Variants in ITGA9 observed in about 807,000 individuals in gnomAD.
The protein encoded by ITGA9 is integrin subunit alpha 9.
A neutral mutation model predicts 127.8 loss-of-function variants in ITGA9; 56 were observed. That is an observed-to-expected ratio of 0.44 (90% CI 0.35 to 0.55). The LOEUF (loss-of-function observed/expected upper bound fraction) is 0.55, where lower values mean the gene tolerates loss of function less well. ITGA9 is among the 20% of genes least tolerant of loss of function. The pLI, the probability that ITGA9 is intolerant of heterozygous loss-of-function variation, is 0.00. For synonymous variants in ITGA9, 508 were observed against 514.5 expected, an observed-to-expected ratio of 0.99 and a Z score of 0.17; for missense variants, 1,196 against 1,347.1, an observed-to-expected ratio of 0.89 and a Z score of 1.76.
intron 3 of ITGA9, among the ~76,000 whole-genome samples, chr3:37,479,959 G>T (rs77444116): frequency 0.017 from 2,613 of 152,236 alleles, 67 homozygotes; most frequent in African/African-American, 0.058. Context: ...CGAAAACAAT[G>T]CGTTTGAGGG....
chr3:37,708,306 G>C (rs928714031), intron 18 of ITGA9, among the ~76,000 whole-genome samples: 3 of 152,156 alleles, frequency 2.0e-5, no homozygotes. Context: ...TGAAATCTAG[G>C]CCTGGAACAG....
intron 11 of ITGA9, among the ~76,000 whole-genome samples, chr3:37,520,302 G>A (rs934196878): frequency 2.0e-5 from 3 of 152,256 alleles, no homozygotes; most frequent in Admixed American, 1.3e-4. Context: ...GAGGCGCTGC[G>A]AAGAGGAGGG....
chr3:37,692,410 A>AGTGTGTGT (rs1299517222), intron 18 of ITGA9, among the ~76,000 whole-genome samples: 16 of 135,966 alleles, frequency 1.2e-4, no homozygotes, highest in African/African-American at 4.4e-4. Context: ...AGAGAGAGAG[A>AGTGTGTGT]GAGTGTGTGT....
chr3:37,753,141 T>C (rs1696610058), intron 23 of ITGA9, among the ~76,000 whole-genome samples: 1 of 152,148 alleles, frequency 6.6e-6, no homozygotes, highest in South Asian at 2.1e-4. Context: ...GTAATGATCA[T>C]GAAAATAATA....
intron 22 of ITGA9, chr3:37,748,153 T>C: frequency 2.1e-6 from 1 of 471,242 alleles, no homozygotes; most frequent in South Asian, 1.7e-5. Context: ...CTGATATATG[T>C]TCTCTAGGCT....
intron 18 of ITGA9, among the ~76,000 whole-genome samples, chr3:37,691,904 A>G (rs1700836171): frequency 6.6e-6 from 1 of 152,232 alleles, no homozygotes. Flanking sequence ...TTTGTACTTC[A>G]CAGTGATTGC....
chr3:37,698,602 G>T (rs1273590505), intron 18 of ITGA9, among the ~76,000 whole-genome samples: 1 of 152,122 alleles, frequency 6.6e-6, no homozygotes, highest in Non-Finnish European at 1.5e-5. Context: ...CATTGAAGTT[G>T]TTTCTGGTTT....
At chr3:37,776,605 C>T (rs1359945671) in intron 23 of ITGA9, among the ~76,000 whole-genome samples, 3 of 152,242 alleles carry the variant, frequency 2.0e-5, no homozygotes, top group Non-Finnish European at 4.4e-5. Flanking sequence ...ATTTTTCTAA[C>T]AGTTCCTCAA....
chr3:37,484,367 T>C (rs895755893), intron 4 of ITGA9, among the ~76,000 whole-genome samples: 3 of 152,150 alleles, frequency 2.0e-5, no homozygotes, highest in Admixed American at 6.5e-5. Flanking sequence ...ATGCCGGCCG[T>C]AGTGAGAGGG....
chr3:37,692,924 G>A (rs747040530), intron 18 of ITGA9, among the ~76,000 whole-genome samples: 7 of 152,126 alleles, frequency 4.6e-5, no homozygotes, highest in Non-Finnish European at 7.4e-5. Flanking sequence ...TGAGAGAACA[G>A]AGAACGAAGA....
intron 16 of ITGA9, among the ~76,000 whole-genome samples, chr3:37,643,675 C>T (rs1181418743): frequency 1.3e-5 from 2 of 151,970 alleles, no homozygotes; most frequent in Non-Finnish European, 2.9e-5. Context: ...TTAAACACAC[C>T]CGGTGGACAG....
chr3:37,761,625 T>C lies in ITGA9; in HGVS notation c.2541+11056T>C, dbSNP rs536271898. Among the ~76,000 whole-genome samples the C allele has an allele frequency of 7.2e-4, 110 of 152,288 alleles. 1 individual carries two copies. The South Asian group carries it at 0.022, about 31-fold the overall frequency. On this transcript the variant is annotated intron_variant, in intron 23 of 27. Transcript: ENST00000264741. ...TCTTCATAATAATTTCTTAAGGAAA[T>C]TGAGGCAAGGAAGAGTTAGAGGGAA...
At chr3:37,720,924 G>A (rs1025556407) in intron 18 of ITGA9, among the ~76,000 whole-genome samples, 3 of 152,116 alleles carry the variant, frequency 2.0e-5, no homozygotes, top group African/African-American at 7.2e-5. Context: ...TTTTTAAAAT[G>A]TAAGATTATT....
Position 37,453,451 on chromosome 3 carries a change from A to T in ITGA9, c.185+892A>T, listed in dbSNP as rs1698223138. Among the ~76,000 whole-genome samples, 7 of 152,244 alleles carry T rather than the reference A, an allele frequency of 4.6e-5. No individual in the cohort carries two copies. In the South Asian group the frequency reaches 1.5e-3, roughly 32 times the overall value. Reference sequence around the variant, plus strand: ...GAGCTTGTGCCCAACCCCAGCAGAGAAGCACTAAGGGGGGGTTGGTGCCCT... The same window carrying T: ...GAGCTTGTGCCCAACCCCAGCAGAGTAGCACTAAGGGGGGGTTGGTGCCCT... On this transcript the variant is annotated intron_variant, in intron 1 of 27. Coordinates refer to ENST00000264741, the MANE Select transcript of ITGA9 (RefSeq NM_002207.3).
At chr3:37,639,436 C>T (rs1700311842) in intron 16 of ITGA9, among the ~76,000 whole-genome samples, 1 of 152,136 alleles carries the variant, frequency 6.6e-6, no homozygotes, top group African/African-American at 2.4e-5. Context: ...GAGAATTGGC[C>T]AGAGCCTTAA....
At chr3:37,579,323 G>T (rs1674852872) in intron 15 of ITGA9, among the ~76,000 whole-genome samples, 1 of 152,154 alleles carries the variant, frequency 6.6e-6, no homozygotes, top group Admixed American at 6.5e-5. Flanking sequence ...TCCTCTTTCT[G>T]TTCCACCATC....
chr3:37,739,804 G>C (rs1696410616), intron 20 of ITGA9, among the ~76,000 whole-genome samples: 1 of 152,208 alleles, frequency 6.6e-6, no homozygotes, highest in African/African-American at 2.4e-5. Flanking sequence ...GCAAGACCTG[G>C]CAGGATGCTG....
intron 17 of ITGA9, among the ~76,000 whole-genome samples, chr3:37,668,541 G>C (rs947098203): frequency 4.6e-4 from 70 of 152,122 alleles, no homozygotes; most frequent in African/African-American, 1.5e-3. Flanking sequence ...TGGTTTCCTT[G>C]CTAAGATTTT....
Position 37,452,655 on chromosome 3 carries a change from C to T in ITGA9, c.185+96C>T. 2 of 1,138,362 alleles carry T rather than the reference C, an allele frequency of 1.8e-6. No homozygotes were observed. The highest frequency in any genetic ancestry group is 2.3e-6 in the Non-Finnish European group (2 of 856,986). 70.5% of individuals were successfully genotyped at this position (1,138,362 alleles called of 1,614,324 possible). On this transcript the variant is annotated intron_variant, in intron 1 of 27. Coordinates refer to ENST00000264741, the MANE Select transcript of ITGA9 (RefSeq NM_002207.3). The surrounding 1 kb of genome is among the most constrained non-coding windows in gnomAD (Gnocchi z 7.3). ...GCCGCCTTTCCGGTCTCTTCCACGC[C>T]GCCGTCCCGAGGGGGCGATTTAAAT... is the stretch of plus-strand genomic sequence containing the variant.
Sources: gnomAD v4.1 joint callset for allele counts (sites outside exome capture counted in the v4.1 genomes callset) on GRCh38, gnomAD v4.1.1 for gene constraint, Gnocchi (gnomAD v3.1) non-coding constraint, MANE v1.5 for transcripts, NCBI Gene and HGNC (gene_info 2026-07-23, HGNC 2026-07-21) for gene names.